Variants in SPAST observed in about 807,000 individuals in gnomAD.
The protein encoded by SPAST is spastin, also known as spastic paraplegia 4 (autosomal dominant; spastin).
SPAST carries 30 observed loss-of-function variants against 76.6 expected under a neutral mutation model. That is an observed-to-expected ratio of 0.39 (90% CI 0.29 to 0.53). The LOEUF (loss-of-function observed/expected upper bound fraction) is 0.53, where lower values mean the gene tolerates loss of function less well. SPAST is among the 20% of genes least tolerant of loss of function. The pLI, the probability that SPAST is intolerant of heterozygous loss-of-function variation, is 0.68. For synonymous variants in SPAST, 305 were observed against 281.0 expected (o/e 1.09, Z -0.86); for missense variants, 717 against 770.5 (o/e 0.93, Z 0.82).
chr2:32,085,779 G>A (rs923473773), intron 1 of SPAST, among the ~76,000 whole-genome samples: 17 of 151,942 alleles, frequency 1.1e-4, no homozygotes, highest in East Asian at 9.7e-4. Context: ...GCTCGTGAGC[G>A]CCTGTAATCC....
chr2:32,106,901 AC>A (rs1678345385), intron 4 of SPAST, among the ~76,000 whole-genome samples: 1 of 151,380 alleles, frequency 6.6e-6, no homozygotes, highest in Non-Finnish European at 1.5e-5. Context: ...AAAAAAAAAA[AC>A]AAAGAAATGT....
intron 12 of SPAST, among the ~76,000 whole-genome samples, chr2:32,138,665 A>G (rs1306446470): frequency 6.6e-6 from 1 of 152,126 alleles, no homozygotes; most frequent in African/African-American, 2.4e-5. Flanking sequence ...CTTTAGTTTA[A>G]TTAGGTCCCA....
intron 4 of SPAST, among the ~76,000 whole-genome samples, chr2:32,109,337 G>A (rs1265017613): frequency 2.0e-5 from 3 of 151,520 alleles, no homozygotes; most frequent in African/African-American, 7.3e-5. Context: ...TCGAACTCCT[G>A]ACTTCAGGTG....
chr2:32,135,118 TTGTGTGTGTG>T (rs57308975), intron 9 of SPAST, among the ~76,000 whole-genome samples: 7 of 147,394 alleles, frequency 4.7e-5, no homozygotes, highest in South Asian at 2.2e-4. Flanking sequence ...TCTGATAATT[TTGTGTGTGTG>T]TGTGTGTGTG....
intron 12 of SPAST, among the ~76,000 whole-genome samples, chr2:32,140,592 G>T (rs975036618): frequency 6.6e-6 from 1 of 151,788 alleles, no homozygotes. Flanking sequence ...ACTCTAGCCT[G>T]GGGGACAGAG....
At chr2:32,069,287 G>A (rs915195733) in intron 1 of SPAST, among the ~76,000 whole-genome samples, 1 of 151,734 alleles carries the variant, frequency 6.6e-6, no homozygotes, top group African/African-American at 2.4e-5. Flanking sequence ...TTCTTTAGGA[G>A]ATTGAATATT....
At chr2:32,087,454 C>A in intron 1 of SPAST, 38 bp from the exon 2 acceptor site, 1 of 1,289,094 alleles carries the variant, frequency 7.8e-7, no homozygotes, top group South Asian at 1.2e-5. Flanking sequence ...TTAGTGTACT[C>A]TTCATACGAT....
At chr2:32,147,334 G>C in intron 16 of SPAST, 76 bp downstream of exon 16, 4 of 554,112 alleles carry the variant, frequency 7.2e-6, no homozygotes, top group Non-Finnish European at 9.2e-6. Flanking sequence ...ATATGAATGT[G>C]TGTGTGTGTG....
intron 1 of SPAST, among the ~76,000 whole-genome samples, chr2:32,082,092 C>A (rs1051072603): frequency 1.4e-5 from 2 of 142,926 alleles, no homozygotes; most frequent in African/African-American, 5.2e-5. Context: ...TGGGTTCAAG[C>A]AGCGATTCTC....
At chr2:32,109,065 G>A (rs1449351276) in intron 4 of SPAST, among the ~76,000 whole-genome samples, 1 of 149,268 alleles carries the variant, frequency 6.7e-6, no homozygotes, top group Non-Finnish European at 1.5e-5. Context: ...CCTGGCTGTT[G>A]GTATACTTTA....
At chr2:32,120,264 G>C (rs1014630888) in intron 7 of SPAST, among the ~76,000 whole-genome samples, 2 of 151,602 alleles carry the variant, frequency 1.3e-5, no homozygotes, top group Admixed American at 6.6e-5. Context: ...TTACCTTTTC[G>C]AATCTATTAA....
At chr2:32,082,495 G>C (rs964726324) in intron 1 of SPAST, among the ~76,000 whole-genome samples, 1 of 151,562 alleles carries the variant, frequency 6.6e-6, no homozygotes, top group Non-Finnish European at 1.5e-5. Context: ...TCAGGAGTTC[G>C]AGACCAGCCT....
intron 6 of SPAST, 84 bp downstream of exon 6, chr2:32,115,919 A>G: frequency 3.6e-6 from 4 of 1,120,038 alleles, no homozygotes; most frequent in Non-Finnish European, 5.2e-6. Flanking sequence ...TGAAATAGAT[A>G]ATAAATACCT....
At chr2:32,117,879 A>T (rs886458479) in intron 7 of SPAST, among the ~76,000 whole-genome samples, 5 of 152,160 alleles carry the variant, frequency 3.3e-5, no homozygotes, top group African/African-American at 1.2e-4. Flanking sequence ...TTAAGTCATC[A>T]AAGTAGATAG....
At chr2:32,065,363 G>C (rs796625390) in intron 1 of SPAST, among the ~76,000 whole-genome samples, 27 of 152,068 alleles carry the variant, frequency 1.8e-4, no homozygotes, top group African/African-American at 6.3e-4. Flanking sequence ...TGTGCTATTA[G>C]CTTTGCATGT....
chr2:32,152,633 T>C (rs1680125808), intron 16 of SPAST, among the ~76,000 whole-genome samples: 2 of 152,194 alleles, frequency 1.3e-5, no homozygotes, highest in Non-Finnish European at 2.9e-5. Context: ...ACATTCATTA[T>C]TCTTCTACAC....
intron 14 of SPAST, 145 bp downstream of exon 14, chr2:32,143,560 CT>C: frequency 1.6e-6 from 1 of 637,584 alleles, no homozygotes; most frequent in Non-Finnish European, 2.8e-6. Context: ...CCTCCTTTGC[CT>C]TTTTCTTACC....
chr2:32,127,139 A>G (rs1679221920), intron 8 of SPAST, 117 bp downstream of exon 8: 2 of 773,380 alleles, frequency 2.6e-6, no homozygotes, highest in South Asian at 1.5e-5. Flanking sequence ...GCTATTGTAC[A>G]CTTTTGTTTT....
intron 1 of SPAST, among the ~76,000 whole-genome samples, chr2:32,071,014 A>G (rs948813179): frequency 2.0e-5 from 3 of 152,202 alleles, no homozygotes; most frequent in Admixed American, 1.3e-4. Context: ...GCAGGTTTTT[A>G]TGTTGTAATG....
Sources: allele counts gnomAD v4.1 joint callset (sites outside exome capture counted in the v4.1 genomes callset), GRCh38; gene constraint gnomAD v4.1.1; transcripts MANE v1.5; gene names NCBI Gene and HGNC (gene_info 2026-07-23, HGNC 2026-07-21).